KLHL22: variants seen among roughly 807,000 people sequenced by gnomAD.
The protein encoded by KLHL22 is kelch like family member 22.
Under a neutral mutation model 60.7 loss-of-function variants are expected in KLHL22, and 18 were observed. That is an observed-to-expected ratio of 0.30 (90% CI 0.20 to 0.44). The LOEUF (loss-of-function observed/expected upper bound fraction) is 0.44, where lower values mean the gene tolerates loss of function less well. Ranked by LOEUF, KLHL22 falls within the 20% of genes least tolerant of loss-of-function variation. KLHL22 has a pLI of 1.00. For synonymous variants in KLHL22, 355 were observed against 354.5 expected (o/e 1.00, Z -0.01); for missense variants, 596 against 852.3 (o/e 0.70, Z 3.74).
chr22:20,453,203 AT>A (rs1284379348), intron 5 of KLHL22, among the ~76,000 whole-genome samples: 1 of 150,970 alleles, frequency 6.6e-6, no homozygotes, highest in Non-Finnish European at 1.5e-5. Context: ...TTTCTTTTGT[AT>A]TTTTTTAAGA....
In KLHL22 at chr22:20,457,829, G is replaced by T; in HGVS notation, c.1284C>A (p.Tyr428Ter). 6.2e-7 allele frequency: 1 copy of T among 1,605,152 alleles called. No individual in the cohort carries two copies. The highest frequency in any genetic ancestry group is 1.1e-5 in the South Asian group (1 of 89,452). Residue 428 changes from tyrosine (Y) to a stop codon, truncating the protein, a stop_gained, in exon 5 of 7, where the codon TAC (tyrosine) becomes TAA (stop). Transcript: ENST00000328879. LOFTEE classifies it high-confidence loss of function. ...RYDPATNSWAYVAPLKREVYA... is the reference protein window; with the variant it reads ...RYDPATNSWA ...TTACCTCCCTCTTGAGTGGGGCCAC[G>T]TATGCCCAGGAGTTGGTGGCAGGGT...
chr22:20,488,663 C>T (rs923392375), intron 2 of KLHL22: 136 of 218,230 alleles, frequency 6.2e-4, no homozygotes, highest in African/African-American at 4.3e-3. Flanking sequence ...TAATTACTGA[C>T]GGAGGGGAGG....
At chr22:20,458,337 G>A (rs1029265653) in intron 4 of KLHL22, among the ~76,000 whole-genome samples, 1 of 142,954 alleles carries the variant, frequency 7.0e-6, no homozygotes, top group South Asian at 2.2e-4. Flanking sequence ...CTGAAGTGCA[G>A]TGGCACAATC....
chr22:20,495,261 C>G lies in KLHL22; in HGVS notation c.-34+499G>C, dbSNP rs187052228. On this transcript the variant is annotated intron_variant, in intron 1 of 6. Transcript: ENST00000328879. The surrounding 1 kb of genome is among the most constrained non-coding windows in gnomAD (Gnocchi z 4.6). Reference sequence around the variant, plus strand: ...TGATTTTGCACTGACAGCGCGATCTCCGGCTCCTCTCAGGAAACCGGGAGA... The same window carrying G: ...TGATTTTGCACTGACAGCGCGATCTGCGGCTCCTCTCAGGAAACCGGGAGA... Among the ~76,000 whole-genome samples the G allele has an allele frequency of 1.9e-3, 286 of 152,372 alleles. 1 individual carries two copies. Among genetic ancestry groups the G allele is most frequent in the Middle Eastern group, 0.01 (3 of 292 alleles).
At chr22:20,492,453 C>T (rs2053706246) in intron 1 of KLHL22, among the ~76,000 whole-genome samples, 1 of 151,838 alleles carries the variant, frequency 6.6e-6, no homozygotes, top group Admixed American at 6.5e-5. Context: ...GGATACCTGT[C>T]ATCCCCTGAA....
At chr22:20,481,554 CAGAG>C (rs1339711909) in intron 2 of KLHL22, among the ~76,000 whole-genome samples, 1 of 152,060 alleles carries the variant, frequency 6.6e-6, no homozygotes, top group Non-Finnish European at 1.5e-5. Flanking sequence ...GCCCGGGCGA[CAGAG>C]AGAGACTCCA....
intron 5 of KLHL22, among the ~76,000 whole-genome samples, chr22:20,454,778 C>A (rs568080674): frequency 1.3e-5 from 2 of 152,152 alleles, no homozygotes; most frequent in Non-Finnish European, 2.9e-5. Context: ...CTCTTCCAAT[C>A]CATGGACTTG....
chr22:20,453,282 G>C (rs73156950), intron 5 of KLHL22, among the ~76,000 whole-genome samples: 1,720 of 151,252 alleles, frequency 0.011, 24 homozygotes, highest in Non-Finnish European at 0.019. Flanking sequence ...AAGTTTTATG[G>C]TTTTACATTT....
At chr22:20,481,167 A>C (rs993599987) in intron 2 of KLHL22, 7 of 152,180 alleles carry the variant, frequency 4.6e-5, no homozygotes, top group Non-Finnish European at 8.8e-5. Context: ...TGGCTGGGCC[A>C]AAGTTAGCTG....
At chr22:20,462,460 T>A (rs1177201249) in intron 4 of KLHL22, among the ~76,000 whole-genome samples, 1 of 151,534 alleles carries the variant, frequency 6.6e-6, no homozygotes, top group Non-Finnish European at 1.5e-5. Flanking sequence ...ACTCAAGCGA[T>A]CCTCCTGCCT....
intron 2 of KLHL22, among the ~76,000 whole-genome samples, chr22:20,478,645 G>C (rs1318695867): frequency 2.7e-5 from 4 of 147,436 alleles, no homozygotes; most frequent in Non-Finnish European, 1.5e-5. Context: ...CTCCCGAGTA[G>C]CTGGGACTAT....
At chr22:20,466,011 A>G (rs921548711) in intron 3 of KLHL22, among the ~76,000 whole-genome samples, 1 of 152,064 alleles carries the variant, frequency 6.6e-6, no homozygotes, top group African/African-American at 2.4e-5. Flanking sequence ...TAAAGTGAAG[A>G]GGAACATGAT....
chr22:20,490,067 G>A (rs9623849), intron 1 of KLHL22, among the ~76,000 whole-genome samples: 2,173 of 152,316 alleles, frequency 0.014, 59 homozygotes, highest in African/African-American at 0.049. Flanking sequence ...AAGTGACTGT[G>A]GATAGCCAGC....
chr22:20,490,471 A>G (rs1341053879), intron 1 of KLHL22, among the ~76,000 whole-genome samples: 1 of 152,152 alleles, frequency 6.6e-6, no homozygotes, highest in African/African-American at 2.4e-5. Flanking sequence ...CTCTTATACC[A>G]CAACAACAAA....
At chr22:20,449,087 G>T (rs917464428) in intron 5 of KLHL22, among the ~76,000 whole-genome samples, 22 of 151,898 alleles carry the variant, frequency 1.4e-4, no homozygotes, top group African/African-American at 5.3e-4. Flanking sequence ...TTGAGACAGA[G>T]TCTTGCCGTG....
chr22:20,474,243 C>T (rs2053373270), intron 2 of KLHL22, among the ~76,000 whole-genome samples: 1 of 152,172 alleles, frequency 6.6e-6, no homozygotes, highest in South Asian at 2.1e-4. Flanking sequence ...TCGTGATCTG[C>T]CTGCCTCGGC....
intron 2 of KLHL22, among the ~76,000 whole-genome samples, chr22:20,472,093 AAAT>A (rs2053335658): frequency 6.6e-6 from 1 of 151,920 alleles, no homozygotes. Flanking sequence ...CTAAAAATAC[AAAT>A]ATTAGCCGGG....
chr22:20,473,213 C>T (rs1465622504), intron 2 of KLHL22, among the ~76,000 whole-genome samples: 1 of 152,118 alleles, frequency 6.6e-6, no homozygotes, highest in Non-Finnish European at 1.5e-5. Flanking sequence ...TGACCCTGGC[C>T]CTGGGGAGGG....
chr22:20,492,913 G>A (rs958994014), intron 1 of KLHL22, among the ~76,000 whole-genome samples: 4 of 152,094 alleles, frequency 2.6e-5, no homozygotes, highest in African/African-American at 7.2e-5. Flanking sequence ...ATTTACCCAC[G>A]ACAAGGAGAT....
Sources: allele counts gnomAD v4.1 joint callset (sites outside exome capture counted in the v4.1 genomes callset), GRCh38; gene constraint gnomAD v4.1.1; non-coding constraint Gnocchi (gnomAD v3.1); transcripts MANE v1.5; gene names NCBI Gene and HGNC (gene_info 2026-07-23, HGNC 2026-07-21).